The following SHROOM2 variants were observed in gnomAD, a reference collection of about 807,000 sequenced individuals.
SHROOM2 encodes protein Shroom2.
Under a neutral mutation model 75.9 loss-of-function variants are expected in SHROOM2, and 33 were observed. The observed-to-expected ratio is 0.43, with a 90% confidence interval of 0.33 to 0.58. The LOEUF is 0.58. Among genes scored for constraint, SHROOM2 ranks in the 20% least tolerant of loss-of-function variants. The pLI is 0.04. For synonymous variants in SHROOM2, 655 were observed against 663.6 expected (o/e 0.99, Z 0.20); for missense variants, 1,434 against 1,461.2 (o/e 0.98, Z 0.30).
At chrX:9,863,509 A>C (rs2084116216) in intron 1 of SHROOM2, among the ~76,000 whole-genome samples, 1 of 110,871 alleles carries the variant, frequency 9.0e-6, no homozygotes, top group Non-Finnish European at 1.9e-5. Flanking sequence ...GAGATGAAAC[A>C]AGGGCTAGAC....
intron 1 of SHROOM2, among the ~76,000 whole-genome samples, chrX:9,805,176 C>T (rs1309007509): frequency 3.6e-5 from 4 of 110,673 alleles, no homozygotes; most frequent in South Asian, 3.9e-4. Context: ...ACCTGGGAGA[C>T]GGAGGTTGCA....
intron 1 of SHROOM2, among the ~76,000 whole-genome samples, chrX:9,829,377 A>C (rs918402263): frequency 8.9e-6 from 1 of 112,282 alleles, no homozygotes; most frequent in Admixed American, 9.4e-5. Flanking sequence ...TACCAGCAGC[A>C]CTAGTCAGAG....
intron 1 of SHROOM2, among the ~76,000 whole-genome samples, chrX:9,792,101 GAATA>G (rs2083661882): frequency 6.1e-5 from 1 of 16,520 alleles, no homozygotes; most frequent in African/African-American, 1.6e-4. Flanking sequence ...GAATAGAATA[GAATA>G]GAATAGAATA....
At chrX:9,819,030 T>C in intron 1 of SHROOM2, 3 of 1,083,016 alleles carry the variant, frequency 2.8e-6, no homozygotes, top group Non-Finnish European at 3.9e-6. Flanking sequence ...ATTTTTCTTT[T>C]CCTTTTCTTT....
At chrX:9,843,556 G>A (rs2083990685) in intron 1 of SHROOM2, among the ~76,000 whole-genome samples, 1 of 111,037 alleles carries the variant, frequency 9.0e-6, no homozygotes, top group Non-Finnish European at 1.9e-5. Context: ...GCACCACTAC[G>A]CCCAGCTAAT....
Position 9,909,590 on chromosome X carries a change from C to T in SHROOM2, c.2891+11300C>T, listed in dbSNP as rs530071041. 3.1e-4 allele frequency among the ~76,000 whole-genome samples: 35 copies of T among 112,168 alleles called. No individual in the cohort carries two copies. The South Asian group carries it at 0.012, about 38-fold the overall frequency. On this transcript the variant is annotated intron_variant, in intron 5 of 9. Coordinates refer to ENST00000380913, the MANE Select transcript of SHROOM2 (RefSeq NM_001649.4). Reference sequence around the variant, plus strand: ...ACAGGTAAGTCACATTGACAGCATGCCCCTTGATATCATAGGATAACAGTG... The same window carrying T: ...ACAGGTAAGTCACATTGACAGCATGTCCCTTGATATCATAGGATAACAGTG...
In SHROOM2 at chrX:9,944,844, G is replaced by A. The variant is rs371560341; in HGVS notation, c.4515G>A (p.Leu1505=). Residue 1505 remains leucine, a synonymous_variant, in exon 9 of 10, where the codon CTG becomes CTA. Transcript: ENST00000380913. The part of the protein sequence containing the change: ...LDKVVNLLLS[L]SGRLARVENA... ...AAGTGGTGAACCTCCTGCTGTCGCT[G>A]TCAGGCCGCCTGGCCCGGGTGGAGA... 1 of 1,210,426 alleles carries A rather than the reference G, an allele frequency of 8.3e-7. No homozygotes were observed. Among genetic ancestry groups the A allele is most frequent in the Non-Finnish European group, 1.1e-6 (1 of 895,151 alleles).
rs2084319118 is a variant in SHROOM2 at position 9,895,179 on chromosome X, A to G, written c.1271A>G (p.His424Arg). ...GATGTGCGCTTCCCTCAGTCTCCTC[A>G]TAGCGGCCGACACCCTCCCCTATAC... Reference protein sequence around the residue: ...SSDVRFPQSPHSGRHPPLYSD... With the variant: ...SSDVRFPQSPRSGRHPPLYSD... Residue 424 changes from histidine (H) to arginine (R), a missense_variant, in exon 4 of 10, where the codon CAT (histidine) becomes CGT (arginine). His to Arg is a conservative substitution (Grantham distance 29). Coordinates refer to ENST00000380913, the MANE Select transcript of SHROOM2 (RefSeq NM_001649.4). 8.3e-7 allele frequency: 1 copy of G among 1,210,276 alleles called. No homozygotes were observed. The highest frequency in any genetic ancestry group is 1.7e-5 in the African/African-American group (1 of 57,377).
At chrX:9,865,120 A>G (rs1467769367) in intron 1 of SHROOM2, 3 of 112,406 alleles carry the variant, frequency 2.7e-5, no homozygotes, top group Non-Finnish European at 3.8e-5. Context: ...GTGCTGTAGG[A>G]TATGAAAACT....
intron 1 of SHROOM2, among the ~76,000 whole-genome samples, chrX:9,799,157 CTTT>C (rs58508176): frequency 3.3e-5 from 2 of 61,408 alleles, no homozygotes; most frequent in African/African-American, 1.8e-4. Context: ...GAGTTTAATT[CTTT>C]TTTTTTTTTT....
chrX:9,854,828 C>T (rs2084058425), intron 1 of SHROOM2, among the ~76,000 whole-genome samples: 1 of 110,179 alleles, frequency 9.1e-6, no homozygotes, highest in South Asian at 3.9e-4. Flanking sequence ...AACAGAAACA[C>T]GGGAGTTGGG....
intron 5 of SHROOM2, among the ~76,000 whole-genome samples, chrX:9,901,038 TC>T (rs1277836110): frequency 5.4e-5 from 6 of 111,122 alleles, no homozygotes; most frequent in Admixed American, 1.9e-4. Context: ...AAGTGGATTC[TC>T]CCACAGTCCT....
intron 1 of SHROOM2, among the ~76,000 whole-genome samples, chrX:9,791,887 C>T (rs374336522): frequency 1.8e-4 from 20 of 108,165 alleles, no homozygotes; most frequent in Middle Eastern, 9.3e-3. Context: ...TCCAGCTACT[C>T]GGGAGGCTCC....
chrX:9,872,924 A>G (rs777351052), intron 1 of SHROOM2, among the ~76,000 whole-genome samples: 14 of 112,501 alleles, frequency 1.2e-4, no homozygotes, highest in African/African-American at 2.9e-4. Flanking sequence ...CGGTCTGTCC[A>G]TACAAGTGAA....
intron 1 of SHROOM2, among the ~76,000 whole-genome samples, chrX:9,855,887 C>T (rs2084067447): frequency 9.0e-6 from 1 of 111,457 alleles, no homozygotes; most frequent in Non-Finnish European, 1.9e-5. Flanking sequence ...ACCATCCTGG[C>T]AGAAGGTTGC....
intron 1 of SHROOM2, among the ~76,000 whole-genome samples, chrX:9,796,777 A>G (rs962199968): frequency 2.7e-5 from 3 of 110,618 alleles, no homozygotes; most frequent in Admixed American, 9.7e-5. Context: ...CCCAAGTATT[A>G]GGACTACAGG....
intron 9 of SHROOM2, among the ~76,000 whole-genome samples, chrX:9,945,607 C>T (rs979682034): frequency 3.6e-5 from 4 of 111,682 alleles, no homozygotes; most frequent in Non-Finnish European, 7.5e-5. Flanking sequence ...TTTTCTTTTA[C>T]CATGTATAAG....
intron 5 of SHROOM2, among the ~76,000 whole-genome samples, chrX:9,906,961 G>A (rs1354161126): frequency 3.6e-5 from 4 of 111,398 alleles, no homozygotes; most frequent in African/African-American, 9.8e-5. Context: ...GCAGCCACAC[G>A]GTGACCAGGT....
intron 5 of SHROOM2, chrX:9,912,395 G>C (rs969241773): frequency 1.1e-4 from 12 of 111,740 alleles, no homozygotes; most frequent in African/African-American, 3.9e-4. Context: ...GCCTTGAGCC[G>C]TGGAGGTGAA....
Sources: gnomAD v4.1 joint callset for allele counts (sites outside exome capture counted in the v4.1 genomes callset) on GRCh38, gnomAD v4.1.1 for gene constraint, MANE v1.5 for transcripts, NCBI Gene and HGNC (gene_info 2026-07-23, HGNC 2026-07-21) for gene names.